PRPSAP2: variants seen among roughly 807,000 people sequenced by gnomAD.
PRPSAP2 encodes phosphoribosyl pyrophosphate synthase-associated protein 2.
In PRPSAP2, 24 loss-of-function variants were observed where a neutral mutation model predicts 40.6. The ratio of observed to expected loss-of-function variants is 0.59; its 90% CI spans 0.43 to 0.83. The LOEUF (loss-of-function observed/expected upper bound fraction) is 0.83, where lower values mean the gene tolerates loss of function less well. Among genes scored for constraint, PRPSAP2 ranks in the 40% least tolerant of loss-of-function variants. The probability of loss-of-function intolerance (pLI) is 0.00; values close to 1 mark genes in which losing one functional copy is unlikely to be tolerated. For synonymous variants in PRPSAP2, 149 were observed against 164.7 expected (o/e 0.90, Z 0.73); for missense variants, 292 against 465.6 (o/e 0.63, Z 3.43).
intron 9 of PRPSAP2, among the ~76,000 whole-genome samples, chr17:18,913,481 AAGATCTC>A (rs2041090839): frequency 6.6e-6 from 1 of 151,632 alleles, no homozygotes; most frequent in East Asian, 1.9e-4. Flanking sequence ...GGCAGTCACA[AAGATCTC>A]AGAAATGCCT....
intron 8 of PRPSAP2, among the ~76,000 whole-genome samples, chr17:18,890,539 C>T (rs2039477000): frequency 1.3e-5 from 2 of 151,980 alleles, no homozygotes; most frequent in East Asian, 3.9e-4. Flanking sequence ...ACTACTGAGG[C>T]TCAAACGATC....
intron 9 of PRPSAP2, among the ~76,000 whole-genome samples, chr17:18,912,582 A>G (rs188450809): frequency 4.2e-4 from 64 of 152,234 alleles, no homozygotes; most frequent in Middle Eastern, 3.4e-3. Context: ...CCAAAGTCCC[A>G]TCTAAATATC....
At chr17:18,899,036 C>T (rs2040098796) in intron 8 of PRPSAP2, among the ~76,000 whole-genome samples, 1 of 152,132 alleles carries the variant, frequency 6.6e-6, no homozygotes, top group African/African-American at 2.4e-5. Context: ...TCCCAAGTAG[C>T]TGGGATTACA....
intron 7 of PRPSAP2, among the ~76,000 whole-genome samples, chr17:18,885,287 C>T (rs1449751023): frequency 6.6e-6 from 1 of 151,066 alleles, no homozygotes; most frequent in Non-Finnish European, 1.5e-5. Flanking sequence ...TGTGGTCCCC[C>T]CTACTCAAGA....
chr17:18,925,124 G>GA (rs956565991), intron 10 of PRPSAP2, among the ~76,000 whole-genome samples: 25 of 141,866 alleles, frequency 1.8e-4, no homozygotes, highest in East Asian at 4.1e-4. Flanking sequence ...CATCTCAAAA[G>GA]AAAAAAAAAA....
chr17:18,902,313 C>T (rs1367529947), intron 8 of PRPSAP2, among the ~76,000 whole-genome samples: 1 of 152,118 alleles, frequency 6.6e-6, no homozygotes, highest in African/African-American at 2.4e-5. Context: ...ACCTATTTTG[C>T]TGGGGCTGAT....
intron 8 of PRPSAP2, among the ~76,000 whole-genome samples, chr17:18,896,182 G>A (rs938273181): frequency 3.9e-5 from 6 of 152,172 alleles, no homozygotes; most frequent in South Asian, 2.1e-4. Context: ...AATTCCCAGT[G>A]TTTGTTGTTG....
chr17:18,927,668 G>C (rs946028408), intron 10 of PRPSAP2, among the ~76,000 whole-genome samples: 5 of 152,192 alleles, frequency 3.3e-5, no homozygotes, highest in African/African-American at 1.2e-4. Flanking sequence ...TACAAATGCA[G>C]TTGTTGGTTT....
intron 9 of PRPSAP2, among the ~76,000 whole-genome samples, chr17:18,914,870 G>A (rs1233923720): frequency 6.6e-6 from 1 of 151,764 alleles, no homozygotes; most frequent in Non-Finnish European, 1.5e-5. Flanking sequence ...CACTACAGGT[G>A]CACACCACCA....
At chr17:18,873,034 G>T (rs1276506431) in intron 5 of PRPSAP2, among the ~76,000 whole-genome samples, 3 of 151,836 alleles carry the variant, frequency 2.0e-5, no homozygotes, top group Non-Finnish European at 2.9e-5. Context: ...TAGAGACGGG[G>T]TTTCACCATG....
intron 8 of PRPSAP2, among the ~76,000 whole-genome samples, chr17:18,892,684 G>C (rs2039622744): frequency 1.9e-5 from 1 of 51,688 alleles, no homozygotes; most frequent in Non-Finnish European, 5.0e-5. Flanking sequence ...GCCTCAGCCT[G>C]TTGAGTGTGT....
Position 18,877,482 on chromosome 17 carries a change from C to T in PRPSAP2, c.240-216C>T, listed in dbSNP as rs114916347. Among the ~76,000 whole-genome samples the T allele has an allele frequency of 4.0e-3, 616 of 152,196 alleles. 4 individuals are homozygous for T. Among genetic ancestry groups the T allele is most frequent in the African/African-American group, 0.013 (560 of 41,526 alleles). On this transcript the variant is annotated intron_variant, in intron 5 of 11. Coordinates refer to ENST00000268835, the MANE Select transcript of PRPSAP2 (RefSeq NM_002767.4). ...TGCACATAGTGGGAGCTTGTGGACA[C>T]GCTCCTCTGAGAGTACTTAAGTAGG...
At chr17:18,925,709 CT>C (rs2041930231) in intron 10 of PRPSAP2, among the ~76,000 whole-genome samples, 1 of 152,186 alleles carries the variant, frequency 6.6e-6, no homozygotes, top group Admixed American at 6.5e-5. Context: ...TTACAAGGTG[CT>C]GCCAAATTGT....
At chr17:18,910,847 T>C (rs2040916413) in intron 8 of PRPSAP2, among the ~76,000 whole-genome samples, 1 of 152,172 alleles carries the variant, frequency 6.6e-6, no homozygotes, top group African/African-American at 2.4e-5. Flanking sequence ...TCAGTCAGGC[T>C]CTCCCGGCCA....
rs373308457 is a variant in PRPSAP2 at position 18,883,215 on chromosome 17, CT to C, written c.528+534del. On this transcript the variant is annotated intron_variant, in intron 7 of 11. Coordinates refer to ENST00000268835, the MANE Select transcript of PRPSAP2 (RefSeq NM_002767.4). ...TCAGTGGAGATGATCATTTTTTTTCCTTCATTCTGTTAATGTGGTTTATTAC... is the reference window on the plus strand; with the variant it reads ...TCAGTGGAGATGATCATTTTTTTTCCTCATTCTGTTAATGTGGTTTATTAC... Among the ~76,000 whole-genome samples, 502 of 152,138 alleles carry C rather than the reference CT, an allele frequency of 3.3e-3. 2 individuals carry two copies. Among genetic ancestry groups the C allele is most frequent in the African/African-American group, 0.011 (467 of 41,500 alleles).
intron 7 of PRPSAP2, among the ~76,000 whole-genome samples, chr17:18,883,997 A>C (rs2038951627): frequency 6.6e-6 from 1 of 152,086 alleles, no homozygotes; most frequent in Non-Finnish European, 1.5e-5. Flanking sequence ...CGCCAGGCGC[A>C]GTGGCTCACG....
At chr17:18,890,940 C>G (rs2151923862) in intron 8 of PRPSAP2, among the ~76,000 whole-genome samples, 1 of 152,294 alleles carries the variant, frequency 6.6e-6, no homozygotes, top group East Asian at 1.9e-4. Context: ...CCTGGAGTAA[C>G]TGATGTGTCA....
chr17:18,920,279 G>GTGGC (rs1181185954), intron 9 of PRPSAP2, among the ~76,000 whole-genome samples: 1 of 152,292 alleles, frequency 6.6e-6, no homozygotes, highest in East Asian at 1.9e-4. Flanking sequence ...AGCTTTTGGT[G>GTGGC]TGGCCTTTGG....
intron 8 of PRPSAP2, among the ~76,000 whole-genome samples, chr17:18,906,544 G>A (rs972057770): frequency 1.2e-4 from 18 of 149,772 alleles, no homozygotes; most frequent in African/African-American, 3.9e-4. Context: ...TTGTAGAGAC[G>A]AGGTCTCCCT....
Sources: allele counts gnomAD v4.1 joint callset (sites outside exome capture counted in the v4.1 genomes callset), GRCh38; gene constraint gnomAD v4.1.1; transcripts MANE v1.5; gene names NCBI Gene and HGNC (gene_info 2026-07-23, HGNC 2026-07-21).